Variants in HDX observed in about 807,000 individuals in gnomAD.
HDX encodes the protein chromosome X open reading frame 43.
In HDX, 19 loss-of-function variants were observed where a neutral mutation model predicts 45.2. That is an observed-to-expected ratio of 0.42 (90% CI 0.29 to 0.62). The LOEUF is 0.62. HDX is among the 20% of genes least tolerant of loss of function. The pLI, the probability that HDX is intolerant of heterozygous loss-of-function variation, is 0.20. For synonymous variants in HDX, 188 were observed against 172.8 expected (o/e 1.09, Z -0.69); for missense variants, 532 against 493.9 (o/e 1.08, Z -0.73).
chrX:84,367,275 G>A (rs988323577), intron 5 of HDX, among the ~76,000 whole-genome samples: 2 of 112,391 alleles, frequency 1.8e-5, no homozygotes, highest in African/African-American at 6.5e-5. Flanking sequence ...GGTCATTAGA[G>A]AAATGCAAAT....
At chrX:84,492,306 G>A (rs1020569833) in intron 1 of HDX, among the ~76,000 whole-genome samples, 2 of 110,477 alleles carry the variant, frequency 1.8e-5, no homozygotes, top group African/African-American at 6.6e-5. Context: ...GTTTGTTTGT[G>A]TTTAGATATT....
chrX:84,331,038 G>T (rs764868602), intron 9 of HDX, among the ~76,000 whole-genome samples: 1 of 110,966 alleles, frequency 9.0e-6, no homozygotes, highest in Admixed American at 9.6e-5. Context: ...TTAGTTCTTC[G>T]TCAAGATGAT....
intron 4 of HDX, among the ~76,000 whole-genome samples, chrX:84,461,599 C>A (rs745537766): frequency 1.8e-5 from 2 of 111,275 alleles, no homozygotes; most frequent in Non-Finnish European, 3.8e-5. Context: ...CAGGACACTG[C>A]ACTTGACAAA....
intron 5 of HDX, among the ~76,000 whole-genome samples, chrX:84,362,225 C>G (rs1449809345): frequency 9.0e-6 from 1 of 111,058 alleles, no homozygotes; most frequent in East Asian, 2.8e-4. Context: ...CCTTTTTGTT[C>G]TTAGGTTTTC....
intron 5 of HDX, among the ~76,000 whole-genome samples, chrX:84,404,676 C>T (rs758268392): frequency 9.0e-6 from 1 of 111,012 alleles, no homozygotes; most frequent in African/African-American, 3.3e-5. Flanking sequence ...AAGGAGAAAG[C>T]AGGGGGTGTC....
intron 5 of HDX, among the ~76,000 whole-genome samples, chrX:84,385,372 C>A (rs1249295366): frequency 2.1e-4 from 22 of 105,135 alleles, no homozygotes; most frequent in African/African-American, 6.6e-4. Context: ...CGCCACTACG[C>A]CCGGCTAATT....
chrX:84,468,396 A>T, intron 4 of HDX, 76 bp downstream of exon 4: 1 of 635,183 alleles, frequency 1.6e-6, no homozygotes, highest in Non-Finnish European at 2.3e-6. Flanking sequence ...TATATGAGTT[A>T]AGTGATCCAG....
chrX:84,423,483 C>CA (rs538893311), intron 5 of HDX, among the ~76,000 whole-genome samples: 26,161 of 59,363 alleles, frequency 0.44, 5,074 homozygotes, highest in Non-Finnish European at 0.51. Context: ...ACAGAAACAT[C>CA]AAAAAAAAAA....
intron 6 of HDX, among the ~76,000 whole-genome samples, chrX:84,356,083 A>C (rs2037474910): frequency 1.8e-5 from 2 of 111,023 alleles, no homozygotes; most frequent in African/African-American, 3.3e-5. Flanking sequence ...GAAGTACAAG[A>C]CATTAAAAAA....
intron 5 of HDX, chrX:84,403,797 T>TA (rs1265166304): frequency 8.9e-6 from 1 of 112,304 alleles, no homozygotes; most frequent in Non-Finnish European, 1.9e-5. Flanking sequence ...TCAAAATGTT[T>TA]ATCACAAAAG....
intron 6 of HDX, among the ~76,000 whole-genome samples, chrX:84,355,537 T>C: frequency 9.0e-6 from 1 of 111,350 alleles, no homozygotes; most frequent in South Asian, 3.8e-4. Context: ...ACATAAAAAA[T>C]GATGAGTTCA....
intron 2 of HDX, among the ~76,000 whole-genome samples, chrX:84,479,111 T>A (rs2040616600): frequency 9.0e-6 from 1 of 111,665 alleles, no homozygotes; most frequent in African/African-American, 3.3e-5. Context: ...AAATTCACTC[T>A]TTTTCATGTA....
chrX:84,438,959 A>C (rs2039698142), intron 5 of HDX, among the ~76,000 whole-genome samples: 1 of 112,159 alleles, frequency 8.9e-6, no homozygotes, highest in Admixed American at 9.4e-5. Flanking sequence ...AGAAATCTCC[A>C]AGCTGCTTTC....
chrX:84,495,359 C>A (rs2040978950), intron 1 of HDX, among the ~76,000 whole-genome samples: 1 of 110,854 alleles, frequency 9.0e-6, no homozygotes, highest in African/African-American at 3.3e-5. Context: ...ATGTTTTCAC[C>A]ACAAAATAAG....
At chrX:84,371,590 ATAT>A (rs2037895837) in intron 5 of HDX, among the ~76,000 whole-genome samples, 1 of 111,720 alleles carries the variant, frequency 9.0e-6, no homozygotes. Flanking sequence ...GTTCTTTTAG[ATAT>A]TATACATTTC....
At chrX:84,421,987 T>G (rs1469798541) in intron 5 of HDX, among the ~76,000 whole-genome samples, 2 of 106,089 alleles carry the variant, frequency 1.9e-5, no homozygotes, top group African/African-American at 7.0e-5. Flanking sequence ...CTGTCAACAT[T>G]AGAAAGATCT....
At chrX:84,345,116 T>A (rs2037169296) in intron 6 of HDX, among the ~76,000 whole-genome samples, 1 of 111,368 alleles carries the variant, frequency 9.0e-6, no homozygotes, top group Admixed American at 9.6e-5. Flanking sequence ...TTACAACCAA[T>A]TTTCAAGACA....
In HDX at chrX:84,499,399, T is replaced by C. The variant is rs1160071428; in HGVS notation, c.-110+2943A>G. 7.1e-5 allele frequency among the ~76,000 whole-genome samples: 8 copies of C among 111,942 alleles called. No individual in the cohort carries two copies. In the Admixed American group the frequency reaches 7.6e-4, roughly 11 times the overall value. On this transcript the variant is annotated intron_variant, in intron 1 of 10. Coordinates refer to ENST00000373177, the MANE Select transcript of HDX (RefSeq NM_001177479.2). ...CTCTCTAAACTTAACAGCATATTTC[T>C]AAGCACCACATTCTATCCAGAGTTG...
At chrX:84,362,801 T>C (rs1268767608) in intron 5 of HDX, among the ~76,000 whole-genome samples, 1 of 111,524 alleles carries the variant, frequency 9.0e-6, no homozygotes, top group African/African-American at 3.3e-5. Flanking sequence ...CAGGAAACAG[T>C]GGAAAATAAT....
Sources: gnomAD v4.1 joint callset for allele counts (sites outside exome capture counted in the v4.1 genomes callset) on GRCh38, gnomAD v4.1.1 for gene constraint, MANE v1.5 for transcripts, NCBI Gene and HGNC (gene_info 2026-07-23, HGNC 2026-07-21) for gene names.